Variants in TLDC2 observed in about 807,000 individuals in gnomAD.
The protein encoded by TLDC2 is TLD domain-containing protein 2.
Under a neutral mutation model 27.9 loss-of-function variants are expected in TLDC2, and 23 were observed. The ratio of observed to expected loss-of-function variants is 0.82; its 90% CI spans 0.59 to 1.17. The LOEUF (loss-of-function observed/expected upper bound fraction) is 1.17. Ranked by LOEUF, TLDC2 falls within the 50% of genes most tolerant of loss-of-function variation. The pLI is 0.00. For missense variants in TLDC2, 286 were observed against 273.4 expected (o/e 1.05, Z -0.32); for synonymous variants, 124 against 107.4 (o/e 1.16, Z -0.96).
Position 36,876,183 on chromosome 20 carries a change from C to A in TLDC2, c.9C>A (p.Gly3=), listed in dbSNP as rs139684948. Residue 3 remains glycine (G), a synonymous_variant, in exon 1 of 7, where the codon GGC becomes GGA. Transcript: ENST00000217320. MR[G]LRWRYTRLPS... is the part of the protein sequence containing the mutation. ...TGAGCAGGGACAGGAGAATGAGAGG[C>A]CTCCGCTGGCGTTACACTCGGCTGG... is the stretch of plus-strand genomic sequence containing the variant. The A allele has an allele frequency of 8.1e-6, 13 of 1,614,176 alleles. No individual in the cohort carries two copies. Among genetic ancestry groups the A allele is most frequent in the Non-Finnish European group, 1.1e-5 (13 of 1,180,010 alleles).
chr20:36,883,907 A>G (rs1369788794), intron 4 of TLDC2, among the ~76,000 whole-genome samples: 1 of 152,202 alleles, frequency 6.6e-6, no homozygotes, highest in African/African-American at 2.4e-5. Context: ...CCATCTGGCC[A>G]ACACGGTGAA....
At chr20:36,886,864 G>A (rs564970867) in intron 4 of TLDC2, among the ~76,000 whole-genome samples, 1 of 152,300 alleles carries the variant, frequency 6.6e-6, no homozygotes, top group East Asian at 1.9e-4. Flanking sequence ...GCAATGGGAA[G>A]CCATTGGAGG....
At chr20:36,880,581 A>T in intron 3 of TLDC2, 74 bp from the exon 4 acceptor site, 1 of 1,316,550 alleles carries the variant, frequency 7.6e-7, no homozygotes, top group Non-Finnish European at 1.1e-6. Context: ...CTGTATTACT[A>T]AACCTGAAGA....
Position 36,893,230 on chromosome 20 carries a change from G to T in TLDC2, c.*386G>T. 1 of 805,592 alleles carries T rather than the reference G, an allele frequency of 1.2e-6. No homozygotes were observed. The highest frequency in any genetic ancestry group is 2.0e-6 in the Non-Finnish European group (1 of 501,174). 49.9% of individuals were successfully genotyped at this position (805,592 alleles called of 1,614,324 possible). ...CAAATTACATATGCCCTGTGCTTGG[G>T]GCAAATTAGAAACACTACAGTCTTA... On this transcript the variant is annotated 3_prime_UTR_variant, in exon 7 of 7. Coordinates refer to ENST00000217320, the MANE Select transcript of TLDC2 (RefSeq NM_080628.3).
intron 6 of TLDC2, chr20:36,890,774 GC>G (rs1291527213): frequency 6.6e-6 from 1 of 152,128 alleles, no homozygotes; most frequent in Admixed American, 6.6e-5. Flanking sequence ...ACCTCGCCTG[GC>G]CAAGAAAAAT....
chr20:36,880,077 A>ATATATATATATATATGTG (rs1555828539), intron 3 of TLDC2, among the ~76,000 whole-genome samples: 6 of 40,486 alleles, frequency 1.5e-4, no homozygotes, highest in African/African-American at 3.6e-4. Flanking sequence ...ATACATATAT[A>ATATATATATATATATGTG]TATATATATA....
intron 4 of TLDC2, among the ~76,000 whole-genome samples, chr20:36,886,517 C>T (rs1989924567): frequency 6.6e-6 from 1 of 152,134 alleles, no homozygotes; most frequent in Admixed American, 6.6e-5. Flanking sequence ...CGTTTGAACT[C>T]AGGAGGCGGA....
At position 36,880,735 on chromosome 20, in the gene TLDC2, C is replaced by G. The variant is rs753754013; in HGVS notation, c.423C>G (p.Phe141Leu). 7 of 1,614,200 alleles carry G rather than the reference C, an allele frequency of 4.3e-6. No homozygotes were observed. The highest frequency in any genetic ancestry group is 5.9e-6 in the Non-Finnish European group (7 of 1,179,994). ...YGTGETFLFSFSPQLKVFKWT... is the reference protein window; with the variant it reads ...YGTGETFLFSLSPQLKVFKWT... ...CTGGCGAGACATTCCTCTTCTCCTT[C>G]TCCCCACAGCTGAAGGTGATGTTCC... The change falls in exon 4 of 7, where the codon TTC becomes TTG. Residue 141 changes from phenylalanine to leucine, a missense_variant. By Grantham distance (22) the Phe-to-Leu change is conservative. Transcript: ENST00000217320.
rs1468339096 is a variant in TLDC2 at position 36,893,424 on chromosome 20, C to T, written c.*580C>T. 6 of 348,232 alleles carry T rather than the reference C, an allele frequency of 1.7e-5. No individual in the cohort carries two copies. The highest frequency in any genetic ancestry group is 3.2e-5 in the Non-Finnish European group (6 of 187,788). The allele number at this position is 348,232 out of a possible 1,614,324, so 21.6% of individuals were successfully genotyped here. Reference sequence around the variant, plus strand: ...TGCACTGAACCCCTAGCTTCTCTCTCGCCTGGTCCCCTCTGCAATAAAAGG... The same window carrying T: ...TGCACTGAACCCCTAGCTTCTCTCTTGCCTGGTCCCCTCTGCAATAAAAGG... On this transcript the variant is annotated 3_prime_UTR_variant, in exon 7 of 7. Transcript: ENST00000217320.
intron 5 of TLDC2, among the ~76,000 whole-genome samples, chr20:36,888,739 G>A (rs926398769): frequency 2.2e-5 from 3 of 135,048 alleles, no homozygotes; most frequent in Non-Finnish European, 4.7e-5. Context: ...TTGCCATCTT[G>A]ACCAGGCGCA....
At chr20:36,891,072 G>A (rs6029941) in intron 6 of TLDC2, 68,870 of 152,012 alleles carry the variant, frequency 0.45, 16,703 homozygotes, top group South Asian at 0.67. Context: ...GCTAAAATGG[G>A]AATGACCTAG....
chr20:36,889,299 C>T lies in TLDC2; in HGVS notation c.561C>T (p.Ser187=). 1 of 1,614,186 alleles carries T rather than the reference C, an allele frequency of 6.2e-7. No homozygotes were observed. Among genetic ancestry groups the T allele is most frequent in the Non-Finnish European group, 8.5e-7 (1 of 1,180,016 alleles). The change falls in exon 6 of 7, where the codon AGC becomes AGT. Residue 187 remains serine (S), a synonymous_variant. Transcript: ENST00000217320. ...WLDGDLFRGG[S]SPCPTFNNEV... is the part of the protein sequence containing the mutation. ...ATGGAGACTTGTTCCGCGGGGGAAG[C>T]TCCCCTTGCCCGACCTTCAACAACG... is the stretch of plus-strand genomic sequence containing the variant.
rs1377446771 is a variant in TLDC2 at position 36,877,924 on chromosome 20, C to T, written c.59C>T (p.Ser20Phe). 6.2e-7 allele frequency: 1 copy of T among 1,613,700 alleles called. No homozygotes were observed. The highest frequency in any genetic ancestry group is 2.2e-5 in the East Asian group (1 of 44,866). The change falls in exon 2 of 7, where the codon TCT becomes TTT. Residue 20 changes from serine (S) to phenylalanine (F), a missense_variant. By Grantham distance (155) the Ser-to-Phe change is radical. Coordinates refer to ENST00000217320, the MANE Select transcript of TLDC2 (RefSeq NM_080628.3). Reference sequence around the variant, plus strand: ...CCCAGCCAGGTGGAGGACACCCTGTCTGGGGAGGAGGGTAACGAAGAGGAA... The same window carrying T: ...CCCAGCCAGGTGGAGGACACCCTGTTTGGGGAGGAGGGTAACGAAGAGGAA... Reference protein sequence around the residue: ...RLPSQVEDTLSGEEGNEEEEE... With the variant: ...RLPSQVEDTLFGEEGNEEEEE...
intron 4 of TLDC2, among the ~76,000 whole-genome samples, chr20:36,881,698 C>T (rs563661561): frequency 2.4e-4 from 37 of 151,968 alleles, no homozygotes; most frequent in African/African-American, 8.7e-4. Context: ...ACAACATGGA[C>T]AACGGAACCT....
chr20:36,881,476 C>G (rs1601097150), intron 4 of TLDC2, among the ~76,000 whole-genome samples: 1 of 151,990 alleles, frequency 6.6e-6, no homozygotes, highest in Non-Finnish European at 1.5e-5. Flanking sequence ...GGGAGGGAAG[C>G]CTGCTGGAGA....
chr20:36,886,093 G>C lies in TLDC2; in HGVS notation c.439-1362G>C, dbSNP rs113656284. On this transcript the variant is annotated intron_variant, in intron 4 of 6. Transcript: ENST00000217320. Reference sequence around the variant, plus strand: ...GAGAAGGGGCCAGAGAGAAAATCAGGGGTTAGAGCTGGCTGCACTTTTTAA... The same window carrying C: ...GAGAAGGGGCCAGAGAGAAAATCAGCGGTTAGAGCTGGCTGCACTTTTTAA... Among the ~76,000 whole-genome samples, 941 of 152,238 alleles carry C rather than the reference G, an allele frequency of 6.2e-3. 4 individuals are homozygous for C. The highest frequency in any genetic ancestry group is 9.0e-3 in the Non-Finnish European group (613 of 68,022).
chr20:36,888,624 T>G (rs1270295871), intron 5 of TLDC2, among the ~76,000 whole-genome samples: 1 of 139,746 alleles, frequency 7.2e-6, no homozygotes, highest in East Asian at 2.1e-4. Flanking sequence ...GAGAATGGTG[T>G]GAACCCGGGA....
intron 6 of TLDC2, chr20:36,889,664 C>T (rs1255096392): frequency 3.2e-6 from 1 of 308,190 alleles, no homozygotes; most frequent in Non-Finnish European, 5.9e-6. Flanking sequence ...TCAGAAAAAT[C>T]CACATCTCTT....
At chr20:36,877,767 G>A in intron 1 of TLDC2, 132 bp from the exon 2 acceptor site, 1 of 1,058,024 alleles carries the variant, frequency 9.5e-7, no homozygotes, top group East Asian at 2.6e-5. Flanking sequence ...AACTACCCTG[G>A]GCTGGGCTGG....
Sources: gnomAD v4.1 joint callset for allele counts (sites outside exome capture counted in the v4.1 genomes callset) on GRCh38, gnomAD v4.1.1 for gene constraint, MANE v1.5 for transcripts, NCBI Gene and HGNC (gene_info 2026-07-23, HGNC 2026-07-21) for gene names.